The following CEP192 variants were observed in gnomAD, a reference collection of about 807,000 sequenced individuals.
CEP192 encodes centrosomal protein of 192 kDa.
A neutral mutation model predicts 271.8 loss-of-function variants in CEP192; 151 were observed. The observed-to-expected ratio is 0.56, with a 90% CI of 0.49 to 0.64. The LOEUF (loss-of-function observed/expected upper bound fraction) is 0.64. CEP192 is among the 30% of genes least tolerant of loss of function. The pLI is 0.00. For synonymous variants in CEP192, 995 were observed against 1,076.5 expected, an observed-to-expected ratio of 0.92 and a Z score of 1.48; for missense variants, 2,910 against 3,020.5, an observed-to-expected ratio of 0.96 and a Z score of 0.86.
intron 11 of CEP192, among the ~76,000 whole-genome samples, chr18:13,036,975 A>G (rs2035954242): frequency 6.6e-6 from 1 of 152,262 alleles, no homozygotes; most frequent in Admixed American, 6.5e-5. Flanking sequence ...TTAATTTTAG[A>G]GAGAAAAAGC....
chr18:13,000,380 A>T lies in CEP192; in HGVS notation c.164+792A>T, dbSNP rs572100270. On this transcript the variant is annotated intron_variant, in intron 2 of 44. Transcript: ENST00000506447. ...TTCTAGCTACACAAGGAGACTACTGAACTGTCTCTTGATATCTCATGAGTT... is the reference window on the plus strand; with the variant it reads ...TTCTAGCTACACAAGGAGACTACTGTACTGTCTCTTGATATCTCATGAGTT... 10 of 152,324 alleles carry T rather than the reference A, an allele frequency of 6.6e-5. No individual in the cohort carries two copies. In the East Asian group the frequency reaches 1.9e-3, roughly 29 times the overall value. 9.4% of individuals were successfully genotyped at this position (152,324 alleles called of 1,614,324 possible).
chr18:13,097,503 T>C (rs1257698455), intron 36 of CEP192, among the ~76,000 whole-genome samples: 1 of 152,166 alleles, frequency 6.6e-6, no homozygotes, highest in Non-Finnish European at 1.5e-5. Context: ...CCCCGTGCTG[T>C]ACTTGCATTC....
At chr18:13,121,629 A>C (rs1325584319) in intron 44 of CEP192, among the ~76,000 whole-genome samples, 1 of 152,192 alleles carries the variant, frequency 6.6e-6, no homozygotes, top group African/African-American at 2.4e-5. Context: ...TCTCTTTCTT[A>C]TATCTTTTTT....
At chr18:13,063,593 G>A (rs1468235081) in intron 21 of CEP192, among the ~76,000 whole-genome samples, 1 of 152,060 alleles carries the variant, frequency 6.6e-6, no homozygotes, top group African/African-American at 2.4e-5. Flanking sequence ...AGTTGTTTGA[G>A]CCCCTTATAT....
intron 11 of CEP192, among the ~76,000 whole-genome samples, chr18:13,033,667 A>G (rs896295001): frequency 6.6e-6 from 1 of 152,354 alleles, no homozygotes; most frequent in African/African-American, 2.4e-5. Context: ...ATGTAGATGG[A>G]CAAAATAGGG....
chr18:13,015,270 A>G (rs2034576805), intron 5 of CEP192, 58 bp from the exon 6 acceptor site: 3 of 1,507,290 alleles, frequency 2.0e-6, no homozygotes, highest in Non-Finnish European at 2.7e-6. Context: ...GTAGCCTTGT[A>G]CTATGCTCTT....
At position 13,095,196 on chromosome 18, in the gene CEP192, C is replaced by G. The variant is rs191683004; in HGVS notation, c.6255-307C>G. On this transcript the variant is annotated intron_variant, in intron 34 of 44. Coordinates refer to ENST00000506447, the MANE Select transcript of CEP192 (RefSeq NM_032142.4). ...TTTTTTCTTTTTGTAGAGGTGGTGT[C>G]TTGCTATGTTGCCCAGGCTGTTCTC... Among the ~76,000 whole-genome samples the G allele has an allele frequency of 5.7e-3, 871 of 152,240 alleles. 13 individuals are homozygous for G. Among genetic ancestry groups the G allele is most frequent in the African/African-American group, 0.02 (834 of 41,556 alleles).
chr18:13,105,617 G>A (rs1299613825), intron 40 of CEP192, among the ~76,000 whole-genome samples: 1 of 152,214 alleles, frequency 6.6e-6, no homozygotes, highest in Admixed American at 6.5e-5. Context: ...CTTAAAGTAA[G>A]TTATAGAATG....
chr18:13,056,589 T>G lies in CEP192; in HGVS notation c.3999T>G (p.Ser1333=). Residue 1333 remains serine, a synonymous_variant, in exon 19 of 45, where the codon TCT becomes TCG. Coordinates refer to ENST00000506447, the MANE Select transcript of CEP192 (RefSeq NM_032142.4). ...CCTCTTCCCTCTGTAACCCATATTC[T>G]AATACCTTAAATCAGAACCTGCTAA... ...MGTSSLCNPY[S]NTLNQNLLST... 2 of 1,614,240 alleles carry G rather than the reference T, an allele frequency of 1.2e-6. No homozygotes were observed. Among genetic ancestry groups the G allele is most frequent in the Non-Finnish European group, 8.5e-7 (1 of 1,180,014 alleles).
At chr18:13,109,261 A>G (rs1019301745) in intron 40 of CEP192, among the ~76,000 whole-genome samples, 21 of 152,214 alleles carry the variant, frequency 1.4e-4, no homozygotes, top group Admixed American at 1.4e-3. Context: ...GATACAGCTG[A>G]AGGCGATTAT....
At chr18:13,031,498 C>T (rs1364526912) in intron 11 of CEP192, among the ~76,000 whole-genome samples, 5 of 152,160 alleles carry the variant, frequency 3.3e-5, no homozygotes, top group East Asian at 3.9e-4. Context: ...CTGCCCGCCT[C>T]GGCCTCCCAA....
At chr18:13,048,812 A>G (rs1400818653) in intron 15 of CEP192, 47 bp from the exon 16 acceptor site, 1 of 1,311,824 alleles carries the variant, frequency 7.6e-7, no homozygotes, top group Non-Finnish European at 1.1e-6. Flanking sequence ...ATGAATGTTC[A>G]TGAAACTGGG....
chr18:13,061,339 A>G (rs2037397084), intron 21 of CEP192, among the ~76,000 whole-genome samples: 1 of 152,224 alleles, frequency 6.6e-6, no homozygotes, highest in Non-Finnish European at 1.5e-5. Flanking sequence ...AATAAAGTTA[A>G]TTAGTTTTTT....
intron 38 of CEP192, among the ~76,000 whole-genome samples, chr18:13,101,008 T>A (rs1190202431): frequency 6.6e-6 from 1 of 152,258 alleles, no homozygotes; most frequent in African/African-American, 2.4e-5. Context: ...TGGCTTGACT[T>A]ACCATTTTTT....
chr18:13,030,666 A>T (rs2035568689), intron 11 of CEP192, 58 bp downstream of exon 11: 1 of 1,364,020 alleles, frequency 7.3e-7, no homozygotes, highest in East Asian at 2.3e-5. Flanking sequence ...TCTTTCTAAG[A>T]TTACTGTGTA....
At chr18:13,087,390 AGTACTTATGTGATCTT>A in intron 31 of CEP192, 113 bp downstream of exon 31, 1 of 1,077,812 alleles carries the variant, frequency 9.3e-7, no homozygotes, top group East Asian at 2.6e-5. Context: ...TAGGAATAGA[AGTACTTATGTGATCTT>A]GGAAATGCCA....
intron 15 of CEP192, among the ~76,000 whole-genome samples, chr18:13,046,930 G>A (rs1055154577): frequency 3.1e-5 from 4 of 130,734 alleles, no homozygotes; most frequent in African/African-American, 1.2e-4. Context: ...ATGTATTTTT[G>A]CTTGCTATAG....
At chr18:13,100,855 C>T (rs1303622997) in intron 38 of CEP192, among the ~76,000 whole-genome samples, 1 of 152,196 alleles carries the variant, frequency 6.6e-6, no homozygotes, top group East Asian at 1.9e-4. Context: ...ATCACTTACT[C>T]ACGTGACATT....
intron 30 of CEP192, among the ~76,000 whole-genome samples, chr18:13,076,646 C>T (rs114072325): frequency 0.015 from 2,210 of 152,154 alleles, 57 homozygotes; most frequent in African/African-American, 0.047. Flanking sequence ...TATTTAGTTT[C>T]GTTGATAAAA....
Sources: gnomAD v4.1 joint callset for allele counts (sites outside exome capture counted in the v4.1 genomes callset) on GRCh38, gnomAD v4.1.1 for gene constraint, MANE v1.5 for transcripts, NCBI Gene and HGNC (gene_info 2026-07-23, HGNC 2026-07-21) for gene names.